LINGO2: variants seen among roughly 807,000 people sequenced by gnomAD.
LINGO2 encodes leucine rich repeat and Ig domain containing 2.
A neutral mutation model predicts 30.6 loss-of-function variants in LINGO2; 14 were observed. The ratio of observed to expected loss-of-function variants is 0.46; its 90% confidence interval spans 0.30 to 0.72. LINGO2 has a LOEUF of 0.72. LINGO2 is among the 30% of genes least tolerant of loss of function. The pLI is 0.07. For synonymous variants in LINGO2, 317 were observed against 288.5 expected (o/e 1.10, Z -1.00); for missense variants, 729 against 751.7 (o/e 0.97, Z 0.35).
chr9:28,242,895 AT>A (rs1287636562), intron 4 of LINGO2, among the ~76,000 whole-genome samples: 5 of 152,226 alleles, frequency 3.3e-5, no homozygotes, highest in African/African-American at 1.2e-4. Context: ...TGAAGGAGAA[AT>A]AAAATCCTTT....
chr9:28,720,336 T>C, the LINGO2 span, among the ~76,000 whole-genome samples: 1 of 152,252 alleles, frequency 6.6e-6, no homozygotes, highest in East Asian at 1.9e-4. Context: ...CATAATTTGC[T>C]TAGTTTGCTC....
the LINGO2 span, among the ~76,000 whole-genome samples, chr9:28,773,283 T>A: frequency 6.7e-6 from 1 of 148,804 alleles, no homozygotes; most frequent in East Asian, 2.0e-4. Context: ...GAGAATGGCG[T>A]GAACCCAGGA....
At chr9:28,187,481 C>A (rs10968367) in intron 4 of LINGO2, among the ~76,000 whole-genome samples, 47,880 of 140,558 alleles carry the variant, frequency 0.34, 8,668 homozygotes, top group East Asian at 0.49. Context: ...CAGAGCGAGA[C>A]TCTGTCTCAG....
At chr9:28,821,419 G>C in the LINGO2 span, among the ~76,000 whole-genome samples, 1 of 152,302 alleles carries the variant, frequency 6.6e-6, no homozygotes, top group African/African-American at 2.4e-5. Flanking sequence ...CTGGTGGGAT[G>C]CTCACCCCAA....
chr9:28,355,380 TG>T (rs1475396807), intron 3 of LINGO2, among the ~76,000 whole-genome samples: 1 of 112,156 alleles, frequency 8.9e-6, no homozygotes, highest in Non-Finnish European at 2.2e-5. Flanking sequence ...TGTGTGTGTG[TG>T]TGTGTGTGTG....
chr9:28,013,961 A>T (rs1246084788), intron 4 of LINGO2, among the ~76,000 whole-genome samples: 1 of 152,168 alleles, frequency 6.6e-6, no homozygotes, highest in African/African-American at 2.4e-5. Flanking sequence ...AAATCAAACT[A>T]GTTACATTGC....
chr9:28,065,741 G>C (rs1217206771), intron 4 of LINGO2, among the ~76,000 whole-genome samples: 1 of 152,104 alleles, frequency 6.6e-6, no homozygotes, highest in Admixed American at 6.6e-5. Context: ...TTCCTCACCA[G>C]TAAAATGGGG....
intron 2 of LINGO2, among the ~76,000 whole-genome samples, chr9:28,386,152 T>C (rs182741463): frequency 6.6e-6 from 1 of 152,290 alleles, no homozygotes; most frequent in African/African-American, 2.4e-5. Context: ...GAAGGTGTAG[T>C]GTATCTCTGT....
intron 5 of LINGO2, among the ~76,000 whole-genome samples, chr9:27,965,235 G>A (rs1412386730): frequency 2.0e-5 from 3 of 151,854 alleles, no homozygotes; most frequent in Non-Finnish European, 4.4e-5. Context: ...CTCAGTAAGG[G>A]AACAAGTATT....
At chr9:27,998,800 A>G (rs10429571) in intron 5 of LINGO2, among the ~76,000 whole-genome samples, 28,017 of 152,046 alleles carry the variant, frequency 0.18, 2,567 homozygotes, top group Admixed American at 0.23. Context: ...AAAAAACAGA[A>G]CAAAACAAAA....
intron 4 of LINGO2, among the ~76,000 whole-genome samples, chr9:28,274,448 C>G (rs545429754): frequency 2.6e-5 from 4 of 152,146 alleles, no homozygotes; most frequent in Non-Finnish European, 5.9e-5. Flanking sequence ...TCATAAATAA[C>G]TTGGAAATTC....
chr9:29,159,012 C>T, the LINGO2 span, among the ~76,000 whole-genome samples: 1 of 152,168 alleles, frequency 6.6e-6, no homozygotes, highest in African/African-American at 2.4e-5. Flanking sequence ...CCTAGCAGCT[C>T]TCTCAGAGCT....
chr9:28,668,572 G>T (rs186015297), intron 1 of LINGO2, among the ~76,000 whole-genome samples: 20 of 151,366 alleles, frequency 1.3e-4, no homozygotes, highest in Admixed American at 6.6e-4. Flanking sequence ...CTAACTATAC[G>T]CTCTGAAAGT....
At chr9:28,172,784 C>G (rs2133668781) in intron 4 of LINGO2, among the ~76,000 whole-genome samples, 1 of 151,616 alleles carries the variant, frequency 6.6e-6, no homozygotes, top group Non-Finnish European at 1.5e-5. Context: ...CGTTTTTTGT[C>G]TTTGACAGAC....
chr9:28,334,206 C>A (rs1169233974), intron 3 of LINGO2, among the ~76,000 whole-genome samples: 5 of 151,944 alleles, frequency 3.3e-5, no homozygotes, highest in Admixed American at 6.6e-5. Context: ...AGAAGATGGC[C>A]TGAGAGCTTT....
the LINGO2 span, among the ~76,000 whole-genome samples, chr9:28,855,032 A>AATG: frequency 2.0e-5 from 3 of 151,952 alleles, no homozygotes; most frequent in Non-Finnish European, 4.4e-5. Context: ...TGAAGTTGTG[A>AATG]ATGATATAAA....
At chr9:28,017,452 C>A (rs1187660377) in intron 4 of LINGO2, among the ~76,000 whole-genome samples, 1 of 152,276 alleles carries the variant, frequency 6.6e-6, no homozygotes, top group East Asian at 1.9e-4. Flanking sequence ...ATAGTGTCTG[C>A]CCAAAAGCCC....
rs1823226011 is a variant in LINGO2, at chr9:28,563,822, C to G, written c.-364-87797G>C. ...CATTCAGTGCCCAGAATCGCGGCTGCTGAGCCAAGTAAACCACCTCCTGAG... is the reference window on the plus strand; with the variant it reads ...CATTCAGTGCCCAGAATCGCGGCTGGTGAGCCAAGTAAACCACCTCCTGAG... On this transcript the variant is annotated intron_variant, in intron 1 of 5. Transcript: ENST00000379992. Among the ~76,000 whole-genome samples the G allele has an allele frequency of 2.0e-5, 3 of 152,126 alleles. No homozygotes were observed. In the South Asian group the frequency reaches 6.2e-4, roughly 31 times the overall value.
At chr9:29,015,849 C>G in the LINGO2 span, among the ~76,000 whole-genome samples, 3 of 152,276 alleles carry the variant, frequency 2.0e-5, no homozygotes, top group African/African-American at 7.2e-5. Context: ...GAAACATTTT[C>G]TCTACTCAGT....
Sources: gnomAD v4.1 joint callset for allele counts (sites outside exome capture counted in the v4.1 genomes callset) on GRCh38, gnomAD v4.1.1 for gene constraint, MANE v1.5 for transcripts, NCBI Gene and HGNC (gene_info 2026-07-23, HGNC 2026-07-21) for gene names.